PRKD1: variants seen among roughly 807,000 people sequenced by gnomAD.
The protein encoded by PRKD1 is protein kinase D1.
A neutral mutation model predicts 95.9 loss-of-function variants in PRKD1; 63 were observed. That is an observed-to-expected ratio of 0.66 (90% confidence interval 0.54 to 0.81). The LOEUF (loss-of-function observed/expected upper bound fraction) is 0.81. PRKD1 is among the 30% of genes least tolerant of loss of function. PRKD1 has a pLI of 0.00. For missense variants in PRKD1, 1,048 were observed against 1,165.3 expected, an observed-to-expected ratio of 0.90 and a Z score of 1.47; for synonymous variants, 425 against 423.1, an observed-to-expected ratio of 1.00 and a Z score of -0.05.
chr14:29,690,647 C>T (rs894934715), intron 2 of PRKD1, among the ~76,000 whole-genome samples: 6 of 152,188 alleles, frequency 3.9e-5, no homozygotes, highest in African/African-American at 1.2e-4. Flanking sequence ...AACCAATGCT[C>T]GCATGGATAA....
At chr14:29,901,207 G>A (rs74633602) in intron 1 of PRKD1, among the ~76,000 whole-genome samples, 2,419 of 152,266 alleles carry the variant, frequency 0.016, 41 homozygotes, top group Middle Eastern at 0.044. Context: ...TGGAGTTAGA[G>A]GTAATTATCC....
At chr14:29,884,918 C>T (rs1036210983) in intron 1 of PRKD1, among the ~76,000 whole-genome samples, 5 of 152,036 alleles carry the variant, frequency 3.3e-5, no homozygotes, top group Non-Finnish European at 2.9e-5. Flanking sequence ...GTCAGGAGAT[C>T]AAGACCATCC....
chr14:29,863,786 A>G (rs1261518106), intron 1 of PRKD1, among the ~76,000 whole-genome samples: 1 of 152,152 alleles, frequency 6.6e-6, no homozygotes, highest in Non-Finnish European at 1.5e-5. Context: ...GATAATGTCC[A>G]TTATATCTGG....
intron 1 of PRKD1, among the ~76,000 whole-genome samples, chr14:29,909,737 C>A (rs960550545): frequency 1.3e-5 from 2 of 152,140 alleles, no homozygotes; most frequent in African/African-American, 4.8e-5. Flanking sequence ...ACACACCAAT[C>A]AGCACTCTGT....
chr14:29,593,405 A>C (rs1456112288), intron 16 of PRKD1, among the ~76,000 whole-genome samples: 1 of 152,156 alleles, frequency 6.6e-6, no homozygotes, highest in Non-Finnish European at 1.5e-5. Context: ...TTTTCCCTGC[A>C]GGAACTTCCT....
chr14:29,877,143 C>T (rs558698052), intron 1 of PRKD1, among the ~76,000 whole-genome samples: 47 of 151,940 alleles, frequency 3.1e-4, no homozygotes, highest in Middle Eastern at 3.4e-3. Context: ...GAGAGCAAGA[C>T]GCAGTCTCAA....
At chr14:29,876,219 T>C (rs1262297086) in intron 1 of PRKD1, among the ~76,000 whole-genome samples, 1 of 152,198 alleles carries the variant, frequency 6.6e-6, no homozygotes, top group African/African-American at 2.4e-5. Flanking sequence ...TTGTAAAACA[T>C]GCAGCAATGC....
intron 2 of PRKD1, among the ~76,000 whole-genome samples, chr14:29,672,912 C>T (rs528194060): frequency 6.6e-6 from 1 of 152,108 alleles, no homozygotes; most frequent in South Asian, 2.1e-4. Context: ...TTCTCCTCTT[C>T]ATTTTTTTAA....
chr14:29,813,690 T>C (rs947767914), intron 1 of PRKD1, among the ~76,000 whole-genome samples: 1 of 152,200 alleles, frequency 6.6e-6, no homozygotes, highest in Non-Finnish European at 1.5e-5. Context: ...AAACACTCAA[T>C]AGATATTAGC....
In PRKD1 at chr14:29,927,402, C is replaced by G. The variant is rs895709764; in HGVS notation, c.111G>C (p.Pro37=). Residue 37 remains proline (P), a synonymous_variant, in exon 1 of 18, where the codon CCG becomes CCC. Transcript: ENST00000331968. The part of the protein sequence containing the change: ...LVPGSGPGPA[P]FLAPVAAPVG... Reference sequence around the variant, plus strand: ...CCGGGGCCGCGACAGGAGCCAAGAACGGCGCGGGCCCGGGCCCGGACCCTG... The same window carrying G: ...CCGGGGCCGCGACAGGAGCCAAGAAGGGCGCGGGCCCGGGCCCGGACCCTG... 9 of 1,523,572 alleles carry G rather than the reference C, an allele frequency of 5.9e-6. No individual in the cohort carries two copies. The African/African-American group carries it at 8.6e-5, about 15-fold the overall frequency. 94.4% of individuals were successfully genotyped at this position (1,523,572 alleles called of 1,614,324 possible).
rs151109692 is a variant in PRKD1, at chr14:29,745,704, T to C, written c.265-20030A>G. ...GTTGCCCAGGCTGGTCTCAAACATC[T>C]GGCCTCAATGATCCTCCTGCCTCGG... On this transcript the variant is annotated intron_variant, in intron 1 of 17. Coordinates refer to ENST00000331968, the MANE Select transcript of PRKD1 (RefSeq NM_002742.3). 9.4e-3 allele frequency among the ~76,000 whole-genome samples: 1,427 copies of C among 152,050 alleles called. 29 individuals carry two copies. The highest frequency in any genetic ancestry group is 0.033 in the African/African-American group (1,356 of 41,446).
At chr14:29,895,923 G>T (rs147276353) in intron 1 of PRKD1, among the ~76,000 whole-genome samples, 3 of 152,230 alleles carry the variant, frequency 2.0e-5, no homozygotes, top group East Asian at 3.9e-4. Flanking sequence ...TACTTTTATA[G>T]ATAGCACTAA....
chr14:29,636,556 C>A, intron 6 of PRKD1, 62 bp from the exon 7 acceptor site: 2 of 1,534,822 alleles, frequency 1.3e-6, no homozygotes, highest in Non-Finnish European at 1.8e-6. Context: ...GCTTAAGAGA[C>A]AGTCAGGTGA....
intron 1 of PRKD1, among the ~76,000 whole-genome samples, chr14:29,816,204 C>T (rs35129024): frequency 0.21 from 31,600 of 152,056 alleles, 3,468 homozygotes; most frequent in South Asian, 0.27. Flanking sequence ...GGCAACAGAG[C>T]AAGACCAAGA....
chr14:29,585,637 T>C (rs1270752071), intron 16 of PRKD1, among the ~76,000 whole-genome samples: 1 of 152,234 alleles, frequency 6.6e-6, no homozygotes, highest in Non-Finnish European at 1.5e-5. Context: ...ATATGGTTTG[T>C]ATATTTTGGC....
At chr14:29,648,901 G>T (rs566405933) in intron 4 of PRKD1, among the ~76,000 whole-genome samples, 1 of 152,028 alleles carries the variant, frequency 6.6e-6, no homozygotes, top group African/African-American at 2.4e-5. Flanking sequence ...TGATCCGCCC[G>T]CCTTGGCCTC....
intron 1 of PRKD1, among the ~76,000 whole-genome samples, chr14:29,888,400 G>A (rs1893815096): frequency 1.3e-5 from 2 of 152,052 alleles, no homozygotes; most frequent in Admixed American, 1.3e-4. Context: ...AAAAATCACA[G>A]AAATGCAAGA....
chr14:29,692,867 T>G (rs2139302404), intron 2 of PRKD1, among the ~76,000 whole-genome samples: 1 of 152,318 alleles, frequency 6.6e-6, no homozygotes, highest in East Asian at 1.9e-4. Flanking sequence ...ACCACAGTAC[T>G]TTTCTATGTG....
chr14:29,618,025 G>A (rs367627314), intron 13 of PRKD1, among the ~76,000 whole-genome samples: 5 of 152,070 alleles, frequency 3.3e-5, no homozygotes, highest in Non-Finnish European at 7.4e-5. Flanking sequence ...CTGTGATCAC[G>A]CCACTGCATT....
Sources: gnomAD v4.1 joint callset for allele counts (sites outside exome capture counted in the v4.1 genomes callset) on GRCh38, gnomAD v4.1.1 for gene constraint, MANE v1.5 for transcripts, NCBI Gene and HGNC (gene_info 2026-07-23, HGNC 2026-07-21) for gene names.